SLC25A24: variants seen among roughly 807,000 people sequenced by gnomAD.
The protein encoded by SLC25A24 is solute carrier family 25 member 24.
SLC25A24 carries 49 observed loss-of-function variants against 60.7 expected under a neutral mutation model. That is an observed-to-expected ratio of 0.81 (90% CI 0.64 to 1.02). The LOEUF (loss-of-function observed/expected upper bound fraction) is 1.02, where lower values mean the gene tolerates loss of function less well. SLC25A24 is among the 50% of genes least tolerant of loss of function. The probability of loss-of-function intolerance (pLI) is 0.00; values close to 1 mark genes in which losing one functional copy is unlikely to be tolerated. For missense variants in SLC25A24, 564 were observed against 586.3 expected (o/e 0.96, Z 0.39); for synonymous variants, 202 against 200.6 (o/e 1.01, Z -0.06).
intron 3 of SLC25A24, among the ~76,000 whole-genome samples, chr1:108,172,750 A>G (rs1473118868): frequency 6.6e-6 from 1 of 152,174 alleles, no homozygotes; most frequent in East Asian, 1.9e-4. Context: ...GAGACAGTGA[A>G]ATGGAAGAAA....
At chr1:108,164,424 G>C (rs559017208) in intron 3 of SLC25A24, among the ~76,000 whole-genome samples, 2 of 148,438 alleles carry the variant, frequency 1.3e-5, no homozygotes, top group South Asian at 4.3e-4. Flanking sequence ...TCTGGTCCTG[G>C]ACTCTTTTTG....
chr1:108,193,739 T>C (rs1279207228), intron 1 of SLC25A24, among the ~76,000 whole-genome samples: 1 of 140,232 alleles, frequency 7.1e-6, no homozygotes, highest in Non-Finnish European at 1.6e-5. Flanking sequence ...TTTATCTTCA[T>C]CCAACCACTA....
At chr1:108,145,688 G>A (rs1679571734) in intron 7 of SLC25A24, among the ~76,000 whole-genome samples, 1 of 151,506 alleles carries the variant, frequency 6.6e-6, no homozygotes, top group African/African-American at 2.4e-5. Context: ...CCCATTGCTT[G>A]TTTTTGTCAA....
chr1:108,169,784 C>A (rs1348547173), intron 3 of SLC25A24, among the ~76,000 whole-genome samples: 1 of 152,136 alleles, frequency 6.6e-6, no homozygotes, highest in Non-Finnish European at 1.5e-5. Flanking sequence ...CATTCAGTCC[C>A]AGTAAGTTAT....
chr1:108,158,800 G>A lies in SLC25A24; in HGVS notation c.511-1180C>T, dbSNP rs1679972895. Among the ~76,000 whole-genome samples the A allele has an allele frequency of 2.0e-5, 3 of 151,452 alleles. No individual in the cohort carries two copies. In the South Asian group the frequency reaches 6.3e-4, roughly 32 times the overall value. On this transcript the variant is annotated intron_variant, in intron 4 of 9. Transcript: ENST00000565488. ...GCGGATTACAAGGTCAGGAGATCGA[G>A]ACCATCCTGGCTAACACGGTGAAAC...
intron 1 of SLC25A24, among the ~76,000 whole-genome samples, chr1:108,197,548 A>T (rs895597825): frequency 6.6e-6 from 1 of 152,174 alleles, no homozygotes; most frequent in Non-Finnish European, 1.5e-5. Context: ...TCTCCCATAA[A>T]GGTTGACTGT....
At chr1:108,153,635 A>T (rs1354989455) in intron 6 of SLC25A24, among the ~76,000 whole-genome samples, 2 of 152,180 alleles carry the variant, frequency 1.3e-5, no homozygotes, top group African/African-American at 4.8e-5. Flanking sequence ...TCCAGAGCCC[A>T]TAAGAACACT....
chr1:108,172,240 G>A (rs1647489324), intron 3 of SLC25A24, among the ~76,000 whole-genome samples: 1 of 152,184 alleles, frequency 6.6e-6, no homozygotes, highest in Non-Finnish European at 1.5e-5. Flanking sequence ...GTAAGTAGGA[G>A]GCTATATTTC....
Position 108,157,442 on chromosome 1 carries a change from C to G in SLC25A24, c.669+20G>C. 2.5e-6 allele frequency: 4 copies of G among 1,604,584 alleles called. No individual in the cohort carries two copies. The highest frequency in any genetic ancestry group is 3.4e-6 in the Non-Finnish European group (4 of 1,173,496). On this transcript the variant is annotated intron_variant, in intron 5 of 9. Transcript: ENST00000565488. The stretch of plus-strand genomic sequence containing the variant: ...TTAGAATATTTAGGGCAAACCTGGA[C>G]ACACGATAATAAAGCTCACCTGCAT...
intron 3 of SLC25A24, among the ~76,000 whole-genome samples, chr1:108,167,087 C>G (rs1309575760): frequency 6.6e-6 from 1 of 151,968 alleles, no homozygotes; most frequent in Admixed American, 6.6e-5. Context: ...GGGGGTGCCT[C>G]CCAGTTAGGC....
At chr1:108,197,247 C>A (rs539354496) in intron 1 of SLC25A24, among the ~76,000 whole-genome samples, 2 of 152,266 alleles carry the variant, frequency 1.3e-5, no homozygotes, top group Non-Finnish European at 2.9e-5. Flanking sequence ...TTTCTACATT[C>A]TACTCTTATT....
chr1:108,154,383 A>T (rs1486399551), intron 6 of SLC25A24, among the ~76,000 whole-genome samples: 1 of 152,192 alleles, frequency 6.6e-6, no homozygotes, highest in Non-Finnish European at 1.5e-5. Flanking sequence ...CTTTACATTG[A>T]GTTAGGCTGA....
At position 108,186,433 on chromosome 1, in the gene SLC25A24, T is replaced by C. The variant is rs567537264; in HGVS notation, c.184-479A>G. 2.0e-5 allele frequency among the ~76,000 whole-genome samples: 3 copies of C among 152,154 alleles called. No individual in the cohort carries two copies. The East Asian group carries it at 5.8e-4, about 29-fold the overall frequency. On this transcript the variant is annotated intron_variant, in intron 1 of 9. Transcript: ENST00000565488. The stretch of plus-strand genomic sequence containing the variant: ...TTAGCCAGATGTGTTGGTGCATGCC[T>C]GTAAATACTAGCTACTTGGAGGCTG...
chr1:108,142,553 A>G (rs35867276), intron 8 of SLC25A24, among the ~76,000 whole-genome samples: 25,549 of 152,162 alleles, frequency 0.17, 2,607 homozygotes, highest in Non-Finnish European at 0.22. Flanking sequence ...TACTTATAAG[A>G]TATCTTGAAT....
At chr1:108,148,441 C>A (rs1679666815) in intron 6 of SLC25A24, 55 bp from the exon 7 acceptor site, 9 of 961,100 alleles carry the variant, frequency 9.4e-6, no homozygotes, top group African/African-American at 3.2e-5. Context: ...CTGAGCTGCA[C>A]CCCCACCAAA....
chr1:108,162,064 G>A (rs1319891649), intron 3 of SLC25A24, among the ~76,000 whole-genome samples: 1 of 151,310 alleles, frequency 6.6e-6, no homozygotes, highest in Non-Finnish European at 1.5e-5. Context: ...TTTTGTTCTT[G>A]TGATAGTTTA....
At chr1:108,196,158 T>A (rs12118280) in intron 1 of SLC25A24, among the ~76,000 whole-genome samples, 1 of 152,032 alleles carries the variant, frequency 6.6e-6, no homozygotes, top group South Asian at 2.1e-4. Context: ...TTTCTGTGAT[T>A]GTAAATGTAA....
intron 4 of SLC25A24, among the ~76,000 whole-genome samples, chr1:108,159,207 T>C (rs1429844163): frequency 2.6e-5 from 4 of 152,204 alleles, no homozygotes; most frequent in Non-Finnish European, 5.9e-5. Context: ...AAAAAGATTC[T>C]GTAACCTTTA....
rs974038443 is a variant in SLC25A24 at position 108,146,096 on chromosome 1, G to A, written c.930+2183C>T. Among the ~76,000 whole-genome samples the A allele has an allele frequency of 3.3e-5, 5 of 152,170 alleles. No individual in the cohort carries two copies. In the South Asian group the frequency reaches 1.0e-3, roughly 32 times the overall value. Reference sequence around the variant, plus strand: ...GTGTCCTCTCTTATTTCCTTGAGGAGTGGTTTGTAGTTCTCCTTGAACAGG... The same window carrying A: ...GTGTCCTCTCTTATTTCCTTGAGGAATGGTTTGTAGTTCTCCTTGAACAGG... On this transcript the variant is annotated intron_variant, in intron 7 of 9. Transcript: ENST00000565488.
Sources: gnomAD v4.1 joint callset for allele counts (sites outside exome capture counted in the v4.1 genomes callset) on GRCh38, gnomAD v4.1.1 for gene constraint, MANE v1.5 for transcripts, NCBI Gene and HGNC (gene_info 2026-07-23, HGNC 2026-07-21) for gene names.